MYO19: variants seen among roughly 807,000 people sequenced by gnomAD.
MYO19 encodes the protein unconventional myosin-XIX.
In MYO19, 132 loss-of-function variants were observed where a neutral mutation model predicts 129.2. The ratio of observed to expected loss-of-function variants is 1.02; its 90% confidence interval spans 0.89 to 1.18. MYO19 has a LOEUF of 1.18. MYO19 is among the 50% of genes most tolerant of loss of function. The pLI is 0.00. For missense variants in MYO19, 1,210 were observed against 1,216.7 expected, an observed-to-expected ratio of 0.99 and a Z score of 0.08; for synonymous variants, 531 against 477.2, an observed-to-expected ratio of 1.11 and a Z score of -1.47.
intron 5 of MYO19, among the ~76,000 whole-genome samples, chr17:36,527,176 A>C (rs1157736011): frequency 1.3e-5 from 2 of 151,854 alleles, no homozygotes; most frequent in African/African-American, 2.4e-5. Context: ...CAAAATAAAT[A>C]AATAAATAAA....
At chr17:36,514,374 A>G (rs2142085883) in intron 9 of MYO19, 72 bp downstream of exon 9, 1 of 949,924 alleles carries the variant, frequency 1.1e-6, no homozygotes, top group Non-Finnish European at 1.7e-6. Flanking sequence ...CATTCTGGGG[A>G]GTGGGGGGTT....
chr17:36,532,917 T>C (rs2073910565), intron 2 of MYO19, among the ~76,000 whole-genome samples: 1 of 152,174 alleles, frequency 6.6e-6, no homozygotes, highest in African/African-American at 2.4e-5. Flanking sequence ...GGGGTGGGGC[T>C]GCAAACCCTC....
At chr17:36,514,620 G>GCACAC in intron 8 of MYO19, 72 bp from the exon 9 acceptor site, 5 of 1,014,114 alleles carry the variant, frequency 4.9e-6, no homozygotes, top group Non-Finnish European at 6.1e-6. Flanking sequence ...ATCTGGGTGT[G>GCACAC]CCAGATTGCC....
rs145987488 is a variant in MYO19 at position 36,532,519 on chromosome 17, G to C, written c.12+8C>G. On this transcript the variant is annotated splice_region_variant and intron_variant, in intron 3 of 25. Transcript: ENST00000614623. Reference sequence around the variant, plus strand: ...GAGGGCCTGGGTTATCTAAGGTTGAGGTTTTACCTGCTGGAGCATCCTCCT... The same window carrying C: ...GAGGGCCTGGGTTATCTAAGGTTGACGTTTTACCTGCTGGAGCATCCTCCT... 3.3e-5 allele frequency: 51 copies of C among 1,554,814 alleles called. 1 individual carries two copies. In the East Asian group the frequency reaches 1.2e-3, roughly 38 times the overall value.
chr17:36,538,760 A>C, upstream of MYO19: 1 of 603,912 alleles, frequency 1.7e-6, no homozygotes, highest in Non-Finnish European at 2.6e-6. Flanking sequence ...ATGCTTAATT[A>C]TTTTTTTTTT....
Position 36,503,992 on chromosome 17 carries a change from AG to A in MYO19, c.1933del (p.Leu645SerfsTer22). On this transcript the variant is annotated frameshift_variant, in exon 20 of 26. Coordinates refer to ENST00000614623, the MANE Select transcript of MYO19 (RefSeq NM_001163735.2). LOFTEE classifies it high-confidence loss of function. ...AGCACTGATATGGATGGTCTCCACGAGGCCACAGGCCTCCAGCTGGCTCAGG... is the reference window on the plus strand; with the variant it reads ...AGCACTGATATGGATGGTCTCCACGAGCCACAGGCCTCCAGCTGGCTCAGG... ...EVLSQLEACGLVETIHISAAG... is the reference protein window; with the variant it reads ...EVLSQLEACGXVETIHISAAG... The A allele has an allele frequency of 6.3e-7, 1 of 1,585,914 alleles. No individual in the cohort carries two copies. The highest frequency in any genetic ancestry group is 8.6e-7 in the Non-Finnish European group (1 of 1,168,060).
intron 6 of MYO19, among the ~76,000 whole-genome samples, chr17:36,520,833 A>C (rs2073089289): frequency 6.6e-6 from 1 of 152,220 alleles, no homozygotes; most frequent in South Asian, 2.1e-4. Flanking sequence ...AACAGTAGTT[A>C]ATCAGCAGTT....
Position 36,532,396 on chromosome 17 carries a change from AAGGCACTGG to A in MYO19, c.12+122_12+130del. The A allele has an allele frequency of 4.6e-6, 5 of 1,092,474 alleles. No homozygotes were observed. In the Middle Eastern group the frequency reaches 5.9e-4, roughly 130 times the overall value. 67.7% of individuals were successfully genotyped at this position (1,092,474 alleles called of 1,614,324 possible). A position where few individuals can be genotyped will look rare whatever the true frequency, so the allele number is the denominator to read the frequency against. ...GGAAGAGTTTCTTGATGATGAGTAAAAGGCACTGGAGAGACAATTTGAGGAGAGAAAAGA... is the reference window on the plus strand; with the variant it reads ...GGAAGAGTTTCTTGATGATGAGTAAAAGAGACAATTTGAGGAGAGAAAAGA... On this transcript the variant is annotated intron_variant, in intron 3 of 25. Coordinates refer to ENST00000614623, the MANE Select transcript of MYO19 (RefSeq NM_001163735.2).
Position 36,534,007 on chromosome 17 carries a change from G to A in MYO19, c.-198C>T, listed in dbSNP as rs1165505205. On this transcript the variant is annotated 5_prime_UTR_variant, in exon 2 of 26. Transcript: ENST00000614623. ...GATGCAGCATCAGCTCCTAGCTGGA[G>A]TCAAGTGAGATTAGAGCAGTTTTCT... is the stretch of plus-strand genomic sequence containing the variant. 1.3e-5 allele frequency: 2 copies of A among 152,278 alleles called. No homozygotes were observed. Among genetic ancestry groups the A allele is most frequent in the South Asian group, 2.1e-4 (1 of 4,838 alleles). The allele number at this position is 152,278 out of a possible 1,614,324, so 9.4% of individuals were successfully genotyped here. A position where few individuals can be genotyped will look rare whatever the true frequency, so the allele number is the denominator to read the frequency against.
intron 19 of MYO19, chr17:36,504,958 T>C (rs1055564232): frequency 1.0e-5 from 4 of 381,078 alleles, no homozygotes; most frequent in African/African-American, 6.3e-5. Flanking sequence ...CAGTGAGAAA[T>C]GGCTGCACTG....
rs982533007 is a variant in MYO19, at chr17:36,498,082, C to A, written c.2757+184G>T. The A allele has an allele frequency of 2.8e-5, 17 of 596,746 alleles. No homozygotes were observed. In the Admixed American group the frequency reaches 4.4e-4, roughly 16 times the overall value. The allele number at this position is 596,746 out of a possible 1,614,324, so 37.0% of individuals were successfully genotyped here. ...AAAGATAAAGGGCTCTGGAAGATTC[C>A]CAGTTATAACAAAATAAATAATCCA... On this transcript the variant is annotated intron_variant, in intron 25 of 25. Transcript: ENST00000614623.
Position 36,515,094 on chromosome 17 carries a change from G to T in MYO19, c.617+19C>A. ...CCCAGTCCCATCCTCCCACTAGCCA[G>T]GGCAACAGCAGCTATTACCTGTTCA... is the stretch of plus-strand genomic sequence containing the variant. On this transcript the variant is annotated intron_variant, in intron 8 of 25. Transcript: ENST00000614623. The T allele has an allele frequency of 6.3e-7, 1 of 1,595,330 alleles. No individual in the cohort carries two copies. Among genetic ancestry groups the T allele is most frequent in the East Asian group, 2.3e-5 (1 of 44,342 alleles).
At chr17:36,524,288 C>A (rs2073325985) in intron 6 of MYO19, among the ~76,000 whole-genome samples, 1 of 152,228 alleles carries the variant, frequency 6.6e-6, no homozygotes, top group Admixed American at 6.5e-5. Flanking sequence ...CTGAAAGCTA[C>A]ATGTTGCATT....
At chr17:36,505,237 C>G in intron 19 of MYO19, 60 bp downstream of exon 19, 1 of 1,438,548 alleles carries the variant, frequency 7.0e-7, no homozygotes, top group Non-Finnish European at 9.8e-7. Flanking sequence ...CCCTTCATCT[C>G]TCCAGGGCCT....
At chr17:36,500,549 C>T (rs530997338) in intron 23 of MYO19, 9 of 416,318 alleles carry the variant, frequency 2.2e-5, no homozygotes, top group Non-Finnish European at 3.8e-5. Context: ...GCCTAAACAG[C>T]TGTCAGGGTC....
intron 6 of MYO19, among the ~76,000 whole-genome samples, chr17:36,518,495 A>G (rs2072906244): frequency 2.1e-3 from 22 of 10,648 alleles, no homozygotes; most frequent in Non-Finnish European, 3.2e-3. Flanking sequence ...AGAGGAAAAA[A>G]AAAAAAAAAA....
chr17:36,512,196 AACACACACACACACACAC>A lies in MYO19; in HGVS notation c.895-759_895-742del, dbSNP rs57765074. ...TGAACCTCCATCTCTACTAAAAATA[AACACACACACACACACAC>A]ACACACACACACACACACACACAAA... On this transcript the variant is annotated intron_variant, in intron 11 of 25. Transcript: ENST00000614623. Among the ~76,000 whole-genome samples the A allele has an allele frequency of 1.7e-3, 231 of 138,214 alleles. 1 individual carries two copies. Among genetic ancestry groups the A allele is most frequent in the South Asian group, 7.3e-3 (31 of 4,262 alleles). The allele number at this position is 138,214 out of a possible 152,430, so 90.7% of individuals were successfully genotyped here. A position where few individuals can be genotyped will look rare whatever the true frequency, so the allele number is the denominator to read the frequency against.
chr17:36,496,213 G>A lies in MYO19; in HGVS notation c.*38C>T. 1 of 1,610,088 alleles carries A rather than the reference G, an allele frequency of 6.2e-7. No individual in the cohort carries two copies. The highest frequency in any genetic ancestry group is 8.5e-7 in the Non-Finnish European group (1 of 1,177,172). ...ATTAAATGTCTTTGGCAAGGCAGGGGGCAGGAAAAGGCCTTGTGGAAACAA... is the reference window on the plus strand; with the variant it reads ...ATTAAATGTCTTTGGCAAGGCAGGGAGCAGGAAAAGGCCTTGTGGAAACAA... On this transcript the variant is annotated 3_prime_UTR_variant, in exon 26 of 26. Coordinates refer to ENST00000614623, the MANE Select transcript of MYO19 (RefSeq NM_001163735.2).
In MYO19 at chr17:36,505,277, T is replaced by C; in HGVS notation, c.1905+20A>G. The C allele has an allele frequency of 6.2e-7, 1 of 1,607,638 alleles. No individual in the cohort carries two copies. Among genetic ancestry groups the C allele is most frequent in the East Asian group, 2.2e-5 (1 of 44,852 alleles). ...CAGATGGGGTTTGGTGCGAAGCAGC[T>C]TTGGCCCGGTGTTAATTACCTCCTC... On this transcript the variant is annotated intron_variant, in intron 19 of 25. Coordinates refer to ENST00000614623, the MANE Select transcript of MYO19 (RefSeq NM_001163735.2).
Sources: allele counts gnomAD v4.1 joint callset (sites outside exome capture counted in the v4.1 genomes callset), GRCh38; gene constraint gnomAD v4.1.1; transcripts MANE v1.5; gene names NCBI Gene and HGNC (gene_info 2026-07-23, HGNC 2026-07-21).